MREG: variants seen among roughly 807,000 people sequenced by gnomAD.
MREG encodes melanoregulin.
In MREG, 31 loss-of-function variants were observed where a neutral mutation model predicts 28.5. The ratio of observed to expected loss-of-function variants is 1.09; its 90% confidence interval spans 0.82 to 1.47. The LOEUF (loss-of-function observed/expected upper bound fraction) is 1.47. Ranked by LOEUF, MREG falls within the 40% of genes most tolerant of loss-of-function variation. The probability of loss-of-function intolerance (pLI) is 0.00; values close to 1 mark genes in which losing one functional copy is unlikely to be tolerated. For synonymous variants in MREG, 106 were observed against 95.2 expected (o/e 1.11, Z -0.66); for missense variants, 256 against 257.4 (o/e 0.99, Z 0.04).
chr2:215,994,957 A>G (rs1302722707), intron 2 of MREG, among the ~76,000 whole-genome samples: 2 of 152,172 alleles, frequency 1.3e-5, no homozygotes, highest in African/African-American at 4.8e-5. Flanking sequence ...GAGTCAGGGG[A>G]GAAGAGGAAG....
chr2:215,993,107 G>C lies in MREG; in HGVS notation c.255+3199C>G, dbSNP rs186479601. ...ACCAAATAAGAGCCCGTATAGCCAA[G>C]ACAATCCTAGGCAAAAAGAACAAAG... On this transcript the variant is annotated intron_variant, in intron 2 of 4. Transcript: ENST00000263268. 5.3e-3 allele frequency among the ~76,000 whole-genome samples: 813 copies of C among 152,254 alleles called. 4 individuals carry two copies. Among genetic ancestry groups the C allele is most frequent in the Admixed American group, 0.017 (259 of 15,292 alleles).
At chr2:215,941,050 G>T (rs1692191431), downstream of MREG, among the ~76,000 whole-genome samples, 1 of 152,174 alleles carries the variant, frequency 6.6e-6, no homozygotes, top group Non-Finnish European at 1.5e-5. Context: ...CTACTTGGCT[G>T]AGTTTTCAAT....
At chr2:215,946,208 T>C (rs1201920565) in intron 3 of MREG, among the ~76,000 whole-genome samples, 1 of 151,592 alleles carries the variant, frequency 6.6e-6, no homozygotes, top group Non-Finnish European at 1.5e-5. Context: ...TTCAAAGACT[T>C]AAACCTACTT....
intron 2 of MREG, among the ~76,000 whole-genome samples, chr2:215,975,026 A>ATATATATATATATATATATATATG (rs1268461887): frequency 1.4e-4 from 21 of 145,690 alleles, no homozygotes; most frequent in African/African-American, 5.3e-4. Context: ...ATATATATAT[A>ATATATATATATATATATATATATG]TGAAATAATA....
chr2:216,009,558 C>G (rs1694243881), intron 1 of MREG, among the ~76,000 whole-genome samples: 1 of 152,148 alleles, frequency 6.6e-6, no homozygotes, highest in African/African-American at 2.4e-5. Flanking sequence ...GCCAAAAGAC[C>G]TGAGCGTCTT....
At chr2:216,002,418 C>T (rs910355274) in intron 1 of MREG, among the ~76,000 whole-genome samples, 6 of 152,334 alleles carry the variant, frequency 3.9e-5, no homozygotes, top group East Asian at 1.9e-4. Flanking sequence ...GAAGGCTCCA[C>T]GAAATACAGT....
At position 215,945,601 on chromosome 2, in the gene MREG, C is replaced by G. The variant is rs1210393332; in HGVS notation, c.480G>C (p.Trp160Cys). ...CAAAGAGATATCTCTCTGAGAGCTC[C>G]CAACTTGTTGGGAAAATATTGGTTT... ...AEETNIFPTS[W>C]ELSERYLFVV... The change falls in exon 4 of 5, where the codon TGG becomes TGC. Residue 160 changes from tryptophan (W) to cysteine (C), a missense_variant. By Grantham distance (215) the Trp-to-Cys change is radical. Coordinates refer to ENST00000263268, the MANE Select transcript of MREG (RefSeq NM_018000.3). 6.2e-7 allele frequency: 1 copy of G among 1,613,862 alleles called. No individual in the cohort carries two copies. The highest frequency in any genetic ancestry group is 1.7e-5 in the Admixed American group (1 of 59,998).
upstream of MREG, among the ~76,000 whole-genome samples, chr2:216,018,056 G>A (rs1421765751): frequency 5.3e-5 from 8 of 151,790 alleles, no homozygotes; most frequent in African/African-American, 1.7e-4. Flanking sequence ...CCAGCTACTC[G>A]GGAGGCTGAG....
intron 2 of MREG, among the ~76,000 whole-genome samples, chr2:215,982,670 CAA>C (rs1165037983): frequency 6.6e-6 from 1 of 152,066 alleles, no homozygotes; most frequent in Non-Finnish European, 1.5e-5. Flanking sequence ...TGTCTTTGAC[CAA>C]AGAGGTTCCA....
At chr2:215,989,183 C>A (rs1386951283) in intron 2 of MREG, among the ~76,000 whole-genome samples, 1 of 152,220 alleles carries the variant, frequency 6.6e-6, no homozygotes, top group Non-Finnish European at 1.5e-5. Flanking sequence ...TGGGACAAAA[C>A]TTCCAGAGGA....
chr2:216,018,154 C>G (rs1694473423), upstream of MREG, among the ~76,000 whole-genome samples: 3 of 152,024 alleles, frequency 2.0e-5, no homozygotes, highest in African/African-American at 7.3e-5. Context: ...CAGAACGAGA[C>G]TCCACCTCAA....
At chr2:216,021,410 C>T (rs1050923911) in intron 1 of MREG, among the ~76,000 whole-genome samples, 1 of 152,134 alleles carries the variant, frequency 6.6e-6, no homozygotes, top group Non-Finnish European at 1.5e-5. Flanking sequence ...TTAAAAGGCT[C>T]CCAAGCCTTT....
At chr2:216,007,160 C>A (rs935207034) in intron 1 of MREG, among the ~76,000 whole-genome samples, 1 of 152,188 alleles carries the variant, frequency 6.6e-6, no homozygotes, top group African/African-American at 2.4e-5. Context: ...ATAATTACAG[C>A]CAATCTTCAT....
At chr2:216,011,481 G>T (rs13006614) in intron 1 of MREG, among the ~76,000 whole-genome samples, 2 of 152,124 alleles carry the variant, frequency 1.3e-5, no homozygotes, top group East Asian at 3.9e-4. Context: ...TTCATCTCTC[G>T]TGGCAAACCT....
upstream of MREG, among the ~76,000 whole-genome samples, chr2:216,016,994 G>C (rs943235994): frequency 6.6e-6 from 1 of 152,130 alleles, no homozygotes; most frequent in Non-Finnish European, 1.5e-5. Flanking sequence ...TTACAGCTCA[G>C]ATTCCCTCTG....
At chr2:215,962,159 G>T (rs1388624227) in intron 2 of MREG, among the ~76,000 whole-genome samples, 1 of 152,130 alleles carries the variant, frequency 6.6e-6, no homozygotes, top group South Asian at 2.1e-4. Context: ...TTGAGTTCTG[G>T]AAACAGACTG....
At position 216,031,691 on chromosome 2, in the gene MREG, G is replaced by GAAAGAAAGAAAGAAAGAAAGAA. The variant is rs1473248845; in HGVS notation, c.-68+1097_-68+1098insTTCTTTCTTTCTTTCTTTCTTT. On this transcript the variant is annotated intron_variant, in intron 1 of 3. Coordinates refer to the MREG transcript ENST00000420348. Reference sequence around the variant, plus strand: ...AGAAAGAAAGAAAGAAAGAAAGAAAGAGAAAGAAAGAAAGAAAGAAAGGGA... The same window carrying GAAAGAAAGAAAGAAAGAAAGAA: ...AGAAAGAAAGAAAGAAAGAAAGAAAGAAAGAAAGAAAGAAAGAAAGAAAGAAAGAAAGAAAGAAAGAAAGGGA... 3.5e-3 allele frequency among the ~76,000 whole-genome samples: 214 copies of GAAAGAAAGAAAGAAAGAAAGAA among 61,054 alleles called. 1 individual carries two copies. The highest frequency in any genetic ancestry group is 0.018 in the Middle Eastern group (2 of 114). The allele number at this position is 61,054 out of a possible 152,430, so 40.1% of individuals were successfully genotyped here. A position where few individuals can be genotyped will look rare whatever the true frequency, so the allele number is the denominator to read the frequency against.
chr2:215,979,453 A>C (rs1032166025), intron 2 of MREG, among the ~76,000 whole-genome samples: 2 of 144,486 alleles, frequency 1.4e-5, no homozygotes, highest in African/African-American at 5.2e-5. Flanking sequence ...ACAAGAGTGA[A>C]ACTCCATCTC....
chr2:215,989,286 G>C (rs933204560), intron 2 of MREG, among the ~76,000 whole-genome samples: 1 of 152,158 alleles, frequency 6.6e-6, no homozygotes, highest in Non-Finnish European at 1.5e-5. Flanking sequence ...AAATCCAGCA[G>C]ACCTGCAGCA....
Sources: allele counts gnomAD v4.1 joint callset (sites outside exome capture counted in the v4.1 genomes callset), GRCh38; gene constraint gnomAD v4.1.1; transcripts MANE v1.5; gene names NCBI Gene and HGNC (gene_info 2026-07-23, HGNC 2026-07-21).